The following NVL variants were observed in gnomAD, a reference collection of about 807,000 sequenced individuals.
The protein encoded by NVL is nuclear valosin-containing protein-like.
Under a neutral mutation model 110.2 loss-of-function variants are expected in NVL, and 84 were observed. The observed-to-expected ratio is 0.76, with a 90% confidence interval of 0.64 to 0.91. The LOEUF is 0.91. NVL is among the 40% of genes least tolerant of loss of function. The pLI, the probability that NVL is intolerant of heterozygous loss-of-function variation, is 0.00. For missense variants in NVL, 882 were observed against 1,035.9 expected, an observed-to-expected ratio of 0.85 and a Z score of 2.04; for synonymous variants, 354 against 361.1, an observed-to-expected ratio of 0.98 and a Z score of 0.22.
chr1:224,252,600 A>G (rs930346614), intron 18 of NVL, among the ~76,000 whole-genome samples: 3 of 152,186 alleles, frequency 2.0e-5, no homozygotes, highest in African/African-American at 4.8e-5. Context: ...TATGGAACCC[A>G]TATACTTATT....
intron 18 of NVL, among the ~76,000 whole-genome samples, chr1:224,258,037 G>A (rs1022780156): frequency 1.3e-5 from 2 of 151,916 alleles, no homozygotes; most frequent in Admixed American, 6.6e-5. Context: ...AATTGCAAGC[G>A]GTAAAAGACA....
At chr1:224,261,831 C>G (rs1225148163) in intron 18 of NVL, among the ~76,000 whole-genome samples, 1 of 151,124 alleles carries the variant, frequency 6.6e-6, no homozygotes, top group Admixed American at 6.6e-5. Flanking sequence ...TGTAGTGGTG[C>G]GTGCCTGTAG....
chr1:224,253,105 G>A (rs1036496145), intron 18 of NVL, among the ~76,000 whole-genome samples: 2 of 151,672 alleles, frequency 1.3e-5, no homozygotes, highest in Non-Finnish European at 2.9e-5. Flanking sequence ...GAGTGCAGTG[G>A]GGCGATCTCG....
At chr1:224,266,193 T>C (rs1225652066) in intron 18 of NVL, among the ~76,000 whole-genome samples, 4 of 152,184 alleles carry the variant, frequency 2.6e-5, no homozygotes, top group Non-Finnish European at 4.4e-5. Flanking sequence ...TGAGGCTTTT[T>C]TGAGAGAAAC....
intron 17 of NVL, among the ~76,000 whole-genome samples, chr1:224,270,359 C>A (rs1311771146): frequency 6.6e-6 from 1 of 152,016 alleles, no homozygotes; most frequent in Non-Finnish European, 1.5e-5. Context: ...GAGTGCAAGA[C>A]CAGCCTGGCC....
intron 20 of NVL, among the ~76,000 whole-genome samples, chr1:224,234,598 C>G (rs1304286216): frequency 2.0e-5 from 3 of 151,844 alleles, no homozygotes; most frequent in Non-Finnish European, 4.4e-5. Flanking sequence ...AGTAAAGACC[C>G]ACAGAGCTTA....
At chr1:224,273,069 A>AAAC (rs1665346733) in intron 17 of NVL, among the ~76,000 whole-genome samples, 1 of 148,074 alleles carries the variant, frequency 6.8e-6, no homozygotes, top group African/African-American at 2.6e-5. Flanking sequence ...ACAAAAAAAA[A>AAAC]CACAACAAAA....
chr1:224,328,045 A>G (rs1245609504), intron 1 of NVL, among the ~76,000 whole-genome samples: 1 of 152,054 alleles, frequency 6.6e-6, no homozygotes, highest in Non-Finnish European at 1.5e-5. Context: ...GGTTTTGAGC[A>G]GGGCTATGGC....
At chr1:224,300,710 C>A in intron 9 of NVL, 47 bp from the exon 10 acceptor site, 1 of 1,471,932 alleles carries the variant, frequency 6.8e-7, no homozygotes. Flanking sequence ...ATTTTAATTT[C>A]CCTACTTTTT....
chr1:224,278,940 C>T (rs1666046588), intron 16 of NVL, among the ~76,000 whole-genome samples: 1 of 152,012 alleles, frequency 6.6e-6, no homozygotes, highest in East Asian at 1.9e-4. Context: ...GTTGCCCATG[C>T]TGGTCTCAAA....
At chr1:224,301,968 A>G (rs1259024457) in intron 9 of NVL, among the ~76,000 whole-genome samples, 1 of 152,116 alleles carries the variant, frequency 6.6e-6, no homozygotes, top group Non-Finnish European at 1.5e-5. Flanking sequence ...TCCATTTATT[A>G]TAGTCATTAT....
chr1:224,301,304 T>C (rs1231659917), intron 9 of NVL, among the ~76,000 whole-genome samples: 2 of 152,102 alleles, frequency 1.3e-5, no homozygotes, highest in East Asian at 1.9e-4. Flanking sequence ...TGTGTCTCAC[T>C]ATGTTGCCCA....
At chr1:224,328,648 T>A (rs1671383944) in intron 1 of NVL, among the ~76,000 whole-genome samples, 1 of 152,010 alleles carries the variant, frequency 6.6e-6, no homozygotes, top group Non-Finnish European at 1.5e-5. Context: ...ATTTTGAAAG[T>A]AAAGCCAACC....
At chr1:224,320,729 C>T (rs1670560767) in intron 2 of NVL, among the ~76,000 whole-genome samples, 1 of 152,116 alleles carries the variant, frequency 6.6e-6, no homozygotes, top group Admixed American at 6.6e-5. Flanking sequence ...GAGCTTGCCA[C>T]AACCTCAACC....
chr1:224,264,826 C>T (rs1234630720), intron 18 of NVL, among the ~76,000 whole-genome samples: 1 of 152,048 alleles, frequency 6.6e-6, no homozygotes, highest in Admixed American at 6.6e-5. Context: ...CTGCAACCTC[C>T]GCTTCCCGGG....
At chr1:224,304,364 G>T (rs1429233014) in intron 8 of NVL, among the ~76,000 whole-genome samples, 1 of 152,120 alleles carries the variant, frequency 6.6e-6, no homozygotes, top group Non-Finnish European at 1.5e-5. Context: ...GGCGGAGGTT[G>T]CAGTGAGCCA....
intron 9 of NVL, among the ~76,000 whole-genome samples, chr1:224,302,017 T>A (rs1472042686): frequency 6.6e-6 from 1 of 152,112 alleles, no homozygotes; most frequent in Admixed American, 6.6e-5. Flanking sequence ...CTGTTTAATG[T>A]CTCTCTCATA....
intron 18 of NVL, among the ~76,000 whole-genome samples, chr1:224,256,114 A>G (rs1320176941): frequency 6.6e-6 from 1 of 152,116 alleles, no homozygotes; most frequent in African/African-American, 2.4e-5. Flanking sequence ...TGCCGTTGAA[A>G]CATCTTTTAA....
At chr1:224,305,671 C>T (rs561496475) in intron 6 of NVL, among the ~76,000 whole-genome samples, 1 of 152,286 alleles carries the variant, frequency 6.6e-6, no homozygotes, top group South Asian at 2.1e-4. Context: ...AATTCTCCTG[C>T]CTCAGCCTCC....
Sources: gnomAD v4.1 joint callset for allele counts (sites outside exome capture counted in the v4.1 genomes callset) on GRCh38, gnomAD v4.1.1 for gene constraint, MANE v1.5 for transcripts, NCBI Gene and HGNC (gene_info 2026-07-23, HGNC 2026-07-21) for gene names.